Variants in ZNF717 observed in about 807,000 individuals in gnomAD.
ZNF717 encodes krueppel-like factor X17.
ZNF717 carries 9 observed loss-of-function variants against 13.8 expected under a neutral mutation model. The ratio of observed to expected loss-of-function variants is 0.65; its 90% CI spans 0.39 to 1.14. ZNF717 has a LOEUF of 1.14. Ranked by LOEUF, ZNF717 falls within the 50% of genes most tolerant of loss-of-function variation. The probability of loss-of-function intolerance (pLI) is 0.01; values close to 1 mark genes in which losing one functional copy is unlikely to be tolerated. For missense variants in ZNF717, 1,040 were observed against 1,080.7 expected (o/e 0.96, Z 0.53); for synonymous variants, 327 against 364.1 (o/e 0.90, Z 1.16).
intron 3 of ZNF717, 118 bp from the exon 4 acceptor site, chr3:75,741,486 A>G (rs1327116899): frequency 1.6e-6 from 2 of 1,276,158 alleles, no homozygotes; most frequent in Non-Finnish European, 2.1e-6. Flanking sequence ...ACATTTCATT[A>G]GAGTAGTGAC....
chr3:75,752,804 A>C (rs1236857625), intron 2 of ZNF717, among the ~76,000 whole-genome samples: 1 of 151,544 alleles, frequency 6.6e-6, no homozygotes, highest in African/African-American at 2.4e-5. Context: ...ATAGGATTTC[A>C]GAACACTGCT....
intron 2 of ZNF717, among the ~76,000 whole-genome samples, chr3:75,756,085 T>G (rs1193051420): frequency 3.3e-5 from 5 of 152,284 alleles, no homozygotes; most frequent in African/African-American, 7.2e-5. Flanking sequence ...CTACAGCACG[T>G]GCTCACTTCA....
intron 2 of ZNF717, among the ~76,000 whole-genome samples, chr3:75,766,301 T>C (rs1240038208): frequency 6.7e-6 from 1 of 148,270 alleles, no homozygotes; most frequent in Non-Finnish European, 1.5e-5. Context: ...ACAAACAAAC[T>C]ATGAGAAAAA....
intron 2 of ZNF717, among the ~76,000 whole-genome samples, chr3:75,774,689 C>T (rs188102548): frequency 2.7e-3 from 261 of 95,522 alleles, no homozygotes; most frequent in African/African-American, 8.5e-3. Flanking sequence ...GGTGCGATCT[C>T]GGCTCACTGC....
downstream of ZNF717, among the ~76,000 whole-genome samples, chr3:75,708,972 A>G (rs77034425): frequency 6.6e-6 from 1 of 150,450 alleles, no homozygotes; most frequent in Non-Finnish European, 1.5e-5. Context: ...GGAGGGGAGA[A>G]GTGCCACATC....
intron 2 of ZNF717, among the ~76,000 whole-genome samples, chr3:75,764,722 A>G (rs939720514): frequency 7.2e-5 from 11 of 152,214 alleles, no homozygotes; most frequent in African/African-American, 2.7e-4. Flanking sequence ...AGAAACCACA[A>G]TGGGACATCA....
At chr3:75,765,042 T>A (rs1247122110) in intron 2 of ZNF717, among the ~76,000 whole-genome samples, 1 of 102,088 alleles carries the variant, frequency 9.8e-6, no homozygotes, top group African/African-American at 3.0e-5. Context: ...TATATGTGTG[T>A]GTGTGTGTGT....
At chr3:75,748,960 G>A (rs1471567313) in intron 2 of ZNF717, among the ~76,000 whole-genome samples, 1 of 151,962 alleles carries the variant, frequency 6.6e-6, no homozygotes, top group Non-Finnish European at 1.5e-5. Flanking sequence ...TACTGCTGTG[G>A]TCCGAGTGTT....
At chr3:75,717,695 TAC>T (rs1322420464) in intron 4 of ZNF717, among the ~76,000 whole-genome samples, 2 of 152,158 alleles carry the variant, frequency 1.3e-5, no homozygotes, top group African/African-American at 2.4e-5. Flanking sequence ...ACAAAAAGGC[TAC>T]AGAGTCATTC....
chr3:75,704,653 T>C (rs1937764906), downstream of ZNF717, among the ~76,000 whole-genome samples: 1 of 152,304 alleles, frequency 6.6e-6, no homozygotes, highest in Admixed American at 6.5e-5. Flanking sequence ...CCACTTTCTC[T>C]TTTTGGACTG....
chr3:75,705,062 T>TACC (rs1327365116), downstream of ZNF717, among the ~76,000 whole-genome samples: 2 of 152,310 alleles, frequency 1.3e-5, no homozygotes, highest in East Asian at 3.9e-4. Context: ...GAGAACATAA[T>TACC]TTTTCTTAAC....
downstream of ZNF717, chr3:75,732,045 T>C: frequency 1.4e-6 from 1 of 702,774 alleles, no homozygotes; most frequent in Non-Finnish European, 2.6e-6. Context: ...GGGAGCATAA[T>C]ATTGTAAAAT....
chr3:75,777,367 G>A (rs1380116253), intron 2 of ZNF717, among the ~76,000 whole-genome samples: 7 of 148,366 alleles, frequency 4.7e-5, no homozygotes, highest in African/African-American at 1.5e-4. Flanking sequence ...GGAGTGACGT[G>A]CTAAAACCAG....
intron 2 of ZNF717, among the ~76,000 whole-genome samples, chr3:75,782,328 G>T (rs1051135979): frequency 6.6e-6 from 1 of 152,228 alleles, no homozygotes; most frequent in Non-Finnish European, 1.5e-5. Context: ...TAAGATAAAG[G>T]TGTGGAGAGT....
intron 2 of ZNF717, among the ~76,000 whole-genome samples, chr3:75,774,714 G>C (rs548247807): frequency 2.5e-4 from 28 of 110,042 alleles, no homozygotes; most frequent in African/African-American, 8.3e-4. Flanking sequence ...TCCGCCTCCC[G>C]GGTTCACACC....
intron 2 of ZNF717, among the ~76,000 whole-genome samples, chr3:75,748,686 A>G (rs1162238888): frequency 3.3e-5 from 5 of 152,294 alleles, no homozygotes; most frequent in South Asian, 2.1e-4. Flanking sequence ...TTGATGCGAC[A>G]TATCTAAAAA....
chr3:75,756,552 T>A (rs185475465), intron 2 of ZNF717, among the ~76,000 whole-genome samples: 1 of 152,366 alleles, frequency 6.6e-6, no homozygotes, highest in Admixed American at 6.5e-5. Context: ...ACTACTCCAG[T>A]GAACACATGA....
At chr3:75,776,615 C>G (rs1006227696) in intron 2 of ZNF717, among the ~76,000 whole-genome samples, 4 of 152,208 alleles carry the variant, frequency 2.6e-5, no homozygotes, top group Non-Finnish European at 5.9e-5. Flanking sequence ...ATCCACATGA[C>G]AGCAAAACTT....
downstream of ZNF717, among the ~76,000 whole-genome samples, chr3:75,706,941 G>A (rs1937814627): frequency 1.3e-5 from 2 of 152,294 alleles, no homozygotes; most frequent in South Asian, 4.1e-4. Flanking sequence ...TTTTAGTACT[G>A]TCTGAATGCC....
Sources: gnomAD v4.1 joint callset for allele counts (sites outside exome capture counted in the v4.1 genomes callset) on GRCh38, gnomAD v4.1.1 for gene constraint, MANE v1.5 for transcripts, NCBI Gene and HGNC (gene_info 2026-07-23, HGNC 2026-07-21) for gene names.